Variants in PDE4D observed in about 807,000 individuals in gnomAD.
PDE4D encodes phosphodiesterase 4D, also known as 3',5'-cyclic-AMP phosphodiesterase 4D.
Under a neutral mutation model 87.4 loss-of-function variants are expected in PDE4D, and 24 were observed. The ratio of observed to expected loss-of-function variants is 0.27; its 90% confidence interval spans 0.20 to 0.39. The LOEUF (loss-of-function observed/expected upper bound fraction) is 0.39, where lower values mean the gene tolerates loss of function less well. Ranked by LOEUF, PDE4D falls within the 10% of genes least tolerant of loss-of-function variation. PDE4D has a pLI of 1.00. For missense variants in PDE4D, 714 were observed against 1,041.0 expected (o/e 0.69, Z 4.32); for synonymous variants, 384 against 383.2 (o/e 1.00, Z -0.02).
chr5:60,144,007 T>TA (rs1780784898), intron 2 of PDE4D, among the ~76,000 whole-genome samples: 1 of 152,164 alleles, frequency 6.6e-6, no homozygotes, highest in African/African-American at 2.4e-5. Context: ...TCTGGACTAT[T>TA]ACAGCAGTGA....
In PDE4D at chr5:58,976,443, C is replaced by T. The variant is rs1309634299; in HGVS notation, c.1737G>A (p.Met579Ile). Residue 579 changes from methionine (M) to isoleucine (I), a missense_variant, in exon 13 of 15, where the codon ATG (methionine) becomes ATA (isoleucine). Physicochemically the swap from Met to Ile is conservative, Grantham distance 10. Coordinates refer to ENST00000340635, the MANE Select transcript of PDE4D (RefSeq NM_001104631.2). The stretch of plus-strand genomic sequence containing the variant: ...TAGTCTTCAAATCAGCCAGTAGATT[C>T]ATGTGTTTTGACATATCTGTTGCAA... The part of the protein sequence containing the change: ...IVLATDMSKH[M>I]NLLADLKTMV... 6.3e-7 allele frequency: 1 copy of T among 1,586,272 alleles called. No individual in the cohort carries two copies. The highest frequency in any genetic ancestry group is 1.8e-5 in the Admixed American group (1 of 55,768).
rs535593784 is a variant in PDE4D at position 59,395,790 on chromosome 5, C to T, written c.456-179822G>A. On this transcript the variant is annotated intron_variant, in intron 1 of 14. Transcript: ENST00000340635. ...CAGACGATCAAATTACTCTGAGCTA[C>T]GGGAGGACATTCAAACCAAAGGCAA... 1.1e-3 allele frequency among the ~76,000 whole-genome samples: 129 copies of T among 122,514 alleles called. 14 individuals carry two copies. The highest frequency in any genetic ancestry group is 8.8e-3 in the Admixed American group (110 of 12,462). 80.4% of individuals were successfully genotyped at this position (122,514 alleles called of 152,430 possible).
chr5:60,037,892 C>T (rs982035774), intron 2 of PDE4D, among the ~76,000 whole-genome samples: 3 of 152,048 alleles, frequency 2.0e-5, no homozygotes, highest in Non-Finnish European at 4.4e-5. Flanking sequence ...TGCATATTAT[C>T]AAACTGATAA....
At chr5:60,507,365 G>A (rs1365733977) in intron 1 of PDE4D, among the ~76,000 whole-genome samples, 5 of 152,120 alleles carry the variant, frequency 3.3e-5, no homozygotes, top group Non-Finnish European at 4.4e-5. Context: ...TTGAGCCACC[G>A]CACCCGGCCT....
At chr5:60,143,603 T>TTG (rs34236719) in intron 2 of PDE4D, among the ~76,000 whole-genome samples, 9,145 of 117,682 alleles carry the variant, frequency 0.078, 393 homozygotes, top group East Asian at 0.092. Flanking sequence ...AGCTTGGGAA[T>TTG]TGTGTGTGTG....
intron 1 of PDE4D, among the ~76,000 whole-genome samples, chr5:59,590,023 A>C (rs186011965): frequency 1.2e-4 from 19 of 152,276 alleles, no homozygotes; most frequent in Admixed American, 2.0e-4. Flanking sequence ...TTTATTTCAC[A>C]GTTCAGAGAA....
chr5:59,252,245 C>G (rs1222402198), intron 1 of PDE4D, among the ~76,000 whole-genome samples: 1 of 152,144 alleles, frequency 6.6e-6, no homozygotes, highest in African/African-American at 2.4e-5. Context: ...TGCTACTCTG[C>G]TATACTTTAT....
chr5:59,050,635 G>A (rs185495347), intron 5 of PDE4D, among the ~76,000 whole-genome samples: 3 of 152,184 alleles, frequency 2.0e-5, no homozygotes, highest in Non-Finnish European at 4.4e-5. Context: ...TATACACACA[G>A]AAGAATCCAC....
intron 2 of PDE4D, among the ~76,000 whole-genome samples, chr5:59,208,288 A>G (rs1235090636): frequency 6.6e-6 from 1 of 152,252 alleles, no homozygotes; most frequent in East Asian, 1.9e-4. Context: ...GAATTGCAGC[A>G]GGCTTGTCAT....
intron 5 of PDE4D, among the ~76,000 whole-genome samples, chr5:59,170,822 T>G (rs941864416): frequency 2.1e-4 from 32 of 152,190 alleles, no homozygotes; most frequent in Admixed American, 3.9e-4. Context: ...ATTTGGATTG[T>G]TTTTAACCCT....
intron 1 of PDE4D, among the ~76,000 whole-genome samples, chr5:59,639,079 C>A (rs1007681786): frequency 6.6e-6 from 1 of 151,956 alleles, no homozygotes; most frequent in Non-Finnish European, 1.5e-5. Context: ...TAGCATAAAA[C>A]ATTTTCCACA....
chr5:59,110,374 C>A (rs554215665), intron 5 of PDE4D, among the ~76,000 whole-genome samples: 1 of 152,220 alleles, frequency 6.6e-6, no homozygotes, highest in African/African-American at 2.4e-5. Context: ...TTTCCCTAGG[C>A]GATACCCCTA....
chr5:59,786,427 T>C (rs1274185411), intron 1 of PDE4D, among the ~76,000 whole-genome samples: 1 of 152,190 alleles, frequency 6.6e-6, no homozygotes. Flanking sequence ...GCATTAAGAA[T>C]CCTGAAACAG....
At chr5:59,289,169 T>C (rs1480480193) in intron 1 of PDE4D, among the ~76,000 whole-genome samples, 1 of 152,004 alleles carries the variant, frequency 6.6e-6, no homozygotes. Flanking sequence ...CAATAAGATA[T>C]AAAGACAACA....
chr5:58,989,327 T>C (rs1747308962), intron 10 of PDE4D, among the ~76,000 whole-genome samples: 2 of 152,170 alleles, frequency 1.3e-5, no homozygotes, highest in Non-Finnish European at 2.9e-5. Flanking sequence ...ACTAATGAAA[T>C]AACTTCTTAG....
At chr5:60,106,043 A>C (rs1470174650) in intron 2 of PDE4D, among the ~76,000 whole-genome samples, 3 of 152,210 alleles carry the variant, frequency 2.0e-5, no homozygotes, top group Non-Finnish European at 4.4e-5. Flanking sequence ...AAATGCTCCA[A>C]TTAAAAGACA....
At chr5:59,466,669 G>T (rs888237586) in intron 1 of PDE4D, among the ~76,000 whole-genome samples, 2 of 152,140 alleles carry the variant, frequency 1.3e-5, no homozygotes, top group African/African-American at 2.4e-5. Flanking sequence ...ACTTTTTCCA[G>T]TAATTTCAAA....
intron 1 of PDE4D, among the ~76,000 whole-genome samples, chr5:59,248,695 G>C (rs931638975): frequency 2.0e-5 from 3 of 152,008 alleles, no homozygotes; most frequent in African/African-American, 7.2e-5. Flanking sequence ...CTATTGAGAT[G>C]TTATTTGTAA....
chr5:59,147,070 G>T (rs1398307996), intron 5 of PDE4D, among the ~76,000 whole-genome samples: 1 of 152,122 alleles, frequency 6.6e-6, no homozygotes. Context: ...CTCCTTATGA[G>T]AATCTAATGC....
Sources: gnomAD v4.1 joint callset for allele counts (sites outside exome capture counted in the v4.1 genomes callset) on GRCh38, gnomAD v4.1.1 for gene constraint, MANE v1.5 for transcripts, NCBI Gene and HGNC (gene_info 2026-07-23, HGNC 2026-07-21) for gene names.